The following DNER variants were observed in gnomAD, a reference collection of about 807,000 sequenced individuals.
DNER encodes the protein delta/notch like EGF repeat containing.
DNER carries 33 observed loss-of-function variants against 78.2 expected under a neutral mutation model. The ratio of observed to expected loss-of-function variants is 0.42; its 90% CI spans 0.32 to 0.56. The LOEUF is 0.56. DNER is among the 20% of genes least tolerant of loss of function. The pLI, the probability that DNER is intolerant of heterozygous loss-of-function variation, is 0.11. For missense variants in DNER, 918 were observed against 975.3 expected, an observed-to-expected ratio of 0.94 and a Z score of 0.78; for synonymous variants, 417 against 384.8, an observed-to-expected ratio of 1.08 and a Z score of -0.98.
At chr2:229,671,953 T>C (rs1010574540) in intron 1 of DNER, among the ~76,000 whole-genome samples, 5 of 152,200 alleles carry the variant, frequency 3.3e-5, no homozygotes, top group Non-Finnish European at 4.4e-5. Flanking sequence ...CTGGTTTGTG[T>C]GAGGAGGGTA....
At chr2:229,493,323 G>C (rs77028133) in intron 6 of DNER, among the ~76,000 whole-genome samples, 1 of 152,024 alleles carries the variant, frequency 6.6e-6, no homozygotes, top group Non-Finnish European at 1.5e-5. Context: ...TTGTATCACC[G>C]CTATTCTTTT....
chr2:229,616,835 C>T (rs1271429672), intron 1 of DNER, among the ~76,000 whole-genome samples: 1 of 152,204 alleles, frequency 6.6e-6, no homozygotes, highest in African/African-American at 2.4e-5. Flanking sequence ...TATCTTAAAT[C>T]ATGGTGTTTA....
At chr2:229,506,387 C>A (rs1695746686) in intron 6 of DNER, among the ~76,000 whole-genome samples, 1 of 152,164 alleles carries the variant, frequency 6.6e-6, no homozygotes, top group Non-Finnish European at 1.5e-5. Flanking sequence ...TCATCCCACC[C>A]TTGACACATG....
At chr2:229,708,767 G>A (rs1277965396) in intron 1 of DNER, among the ~76,000 whole-genome samples, 2 of 152,200 alleles carry the variant, frequency 1.3e-5, no homozygotes, top group Non-Finnish European at 2.9e-5. Flanking sequence ...ACGTTTTTGT[G>A]AGGTGGCCAA....
intron 1 of DNER, among the ~76,000 whole-genome samples, chr2:229,669,921 T>C (rs921518979): frequency 1.4e-4 from 21 of 152,162 alleles, no homozygotes; most frequent in Admixed American, 1.0e-3. Flanking sequence ...AACACAGGAA[T>C]TGTCCATTCC....
chr2:229,647,355 G>T (rs1698737673), intron 1 of DNER, among the ~76,000 whole-genome samples: 1 of 152,142 alleles, frequency 6.6e-6, no homozygotes, highest in Non-Finnish European at 1.5e-5. Context: ...AAACTAATCA[G>T]TTGACATGAT....
intron 10 of DNER, among the ~76,000 whole-genome samples, chr2:229,403,821 G>T (rs772612940): frequency 6.6e-6 from 1 of 152,030 alleles, no homozygotes; most frequent in Non-Finnish European, 1.5e-5. Flanking sequence ...ACTGAGAAGA[G>T]CGTGACATGG....
intron 6 of DNER, among the ~76,000 whole-genome samples, chr2:229,500,185 G>T (rs1001351673): frequency 6.6e-6 from 1 of 152,062 alleles, no homozygotes; most frequent in Admixed American, 6.5e-5. Flanking sequence ...TGCCCTCCTC[G>T]GCCTCTCACA....
chr2:229,680,437 T>G (rs190004762), intron 1 of DNER, among the ~76,000 whole-genome samples: 85 of 152,344 alleles, frequency 5.6e-4, no homozygotes, highest in African/African-American at 2.0e-3. Context: ...TGGAAGTACC[T>G]GGTAATTAAT....
At chr2:229,596,906 A>G (rs1012484931) in intron 1 of DNER, among the ~76,000 whole-genome samples, 6 of 146,900 alleles carry the variant, frequency 4.1e-5, no homozygotes, top group African/African-American at 1.2e-4. Context: ...AATGTGATGG[A>G]GTGTGTATGC....
In DNER at chr2:229,591,582, C is replaced by T; in HGVS notation, c.583G>A (p.Glu195Lys). The change falls in exon 2 of 13, where the codon GAG becomes AAG. Residue 195 changes from glutamate to lysine, a missense_variant and splice_region_variant. Transcript: ENST00000341772. This position sits in a 1 kb window ranked among gnomAD's most constrained non-coding sequence, Gnocchi z 4.6. ...TGCACATGATATAACGTTCTCACCTCCACTTGATCCCATTTCATTTCTACA... is the reference window on the plus strand; with the variant it reads ...TGCACATGATATAACGTTCTCACCTTCACTTGATCCCATTTCATTTCTACA... The part of the protein sequence containing the change: ...KVVEMKWDQV[E>K]VIPDIACGNA... 1 of 1,613,466 alleles carries T rather than the reference C, an allele frequency of 6.2e-7. No homozygotes were observed. Among genetic ancestry groups the T allele is most frequent in the South Asian group, 1.1e-5 (1 of 90,934 alleles).
intron 6 of DNER, among the ~76,000 whole-genome samples, chr2:229,499,232 G>A (rs1376523688): frequency 6.6e-6 from 1 of 152,052 alleles, no homozygotes; most frequent in Non-Finnish European, 1.5e-5. Flanking sequence ...GATCACCTGA[G>A]GTCAGGAGTT....
intron 7 of DNER, among the ~76,000 whole-genome samples, chr2:229,455,666 C>T (rs1184322299): frequency 6.6e-6 from 1 of 152,012 alleles, no homozygotes; most frequent in Non-Finnish European, 1.5e-5. Flanking sequence ...GGCAGACAGC[C>T]GTGGCAAGAG....
intron 4 of DNER, among the ~76,000 whole-genome samples, chr2:229,578,231 G>A (rs777076739): frequency 9.2e-5 from 14 of 152,110 alleles, no homozygotes; most frequent in Non-Finnish European, 1.9e-4. Flanking sequence ...CGCTCGCCCT[G>A]TCTCCTCCCA....
chr2:229,443,826 A>G (rs1694285044), intron 8 of DNER, among the ~76,000 whole-genome samples: 2 of 152,216 alleles, frequency 1.3e-5, no homozygotes, highest in South Asian at 4.1e-4. Context: ...GCTCCAAAAG[A>G]TGAAGACGAG....
At chr2:229,363,119 C>T (rs1034470516) in intron 12 of DNER, among the ~76,000 whole-genome samples, 1 of 152,152 alleles carries the variant, frequency 6.6e-6, no homozygotes, top group African/African-American at 2.4e-5. Flanking sequence ...ACAAGCTCTT[C>T]CCTGCCTGAG....
intron 1 of DNER, among the ~76,000 whole-genome samples, chr2:229,601,480 A>G (rs1697825932): frequency 6.6e-6 from 1 of 152,204 alleles, no homozygotes; most frequent in African/African-American, 2.4e-5. Flanking sequence ...TACACATTCC[A>G]TGTTTTGATA....
chr2:229,626,951 C>T (rs758213292), intron 1 of DNER, among the ~76,000 whole-genome samples: 2 of 152,184 alleles, frequency 1.3e-5, no homozygotes, highest in African/African-American at 2.4e-5. Context: ...ATCATGGGGT[C>T]GAACCCTGTT....
chr2:229,501,603 G>C (rs544734037), intron 6 of DNER, among the ~76,000 whole-genome samples: 1 of 152,282 alleles, frequency 6.6e-6, no homozygotes, highest in African/African-American at 2.4e-5. Flanking sequence ...CTTCTGTGAA[G>C]AGACTTTGTT....
Sources: gnomAD v4.1 joint callset for allele counts (sites outside exome capture counted in the v4.1 genomes callset) on GRCh38, gnomAD v4.1.1 for gene constraint, Gnocchi (gnomAD v3.1) non-coding constraint, MANE v1.5 for transcripts, NCBI Gene and HGNC (gene_info 2026-07-23, HGNC 2026-07-21) for gene names.